GLO1: variants seen among roughly 807,000 people sequenced by gnomAD.
The protein encoded by GLO1 is lactoylglutathione lyase.
Under a neutral mutation model 26.0 loss-of-function variants are expected in GLO1, and 28 were observed. The observed-to-expected ratio is 1.08, with a 90% CI of 0.80 to 1.48. The LOEUF (loss-of-function observed/expected upper bound fraction) is 1.48, where lower values mean the gene tolerates loss of function less well. GLO1 is among the 40% of genes most tolerant of loss of function. The pLI is 0.00. For synonymous variants in GLO1, 78 were observed against 77.6 expected (o/e 1.00, Z -0.03); for missense variants, 225 against 224.8 (o/e 1.00, Z -0.01).
At chr6:38,701,634 G>A (rs55784543) in intron 1 of GLO1, among the ~76,000 whole-genome samples, 27,742 of 152,018 alleles carry the variant, frequency 0.18, 3,212 homozygotes, top group Non-Finnish European at 0.27. Context: ...TGGGCATGAC[G>A]GAATTTTTTT....
intron 1 of GLO1, among the ~76,000 whole-genome samples, chr6:38,691,925 G>A (rs559252849): frequency 1.3e-5 from 2 of 152,222 alleles, no homozygotes; most frequent in East Asian, 3.9e-4. Flanking sequence ...TCTCTATTTT[G>A]TTTCAATGTT....
At chr6:38,694,628 G>A (rs1582780907) in intron 1 of GLO1, among the ~76,000 whole-genome samples, 1 of 151,940 alleles carries the variant, frequency 6.6e-6, no homozygotes, top group East Asian at 1.9e-4. Flanking sequence ...GTAGTGAGCT[G>A]AGACGGCACC....
intron 1 of GLO1, among the ~76,000 whole-genome samples, chr6:38,695,681 C>T (rs951518294): frequency 6.6e-6 from 1 of 152,136 alleles, no homozygotes; most frequent in Non-Finnish European, 1.5e-5. Flanking sequence ...GGGTGAAAAT[C>T]TAGGCTCCCC....
At position 38,675,934 on chromosome 6, in the gene GLO1, T is replaced by C. The variant is rs2127544940; in HGVS notation, c.*1361A>G. The C allele has an allele frequency of 6.6e-6, 1 of 151,684 alleles. No homozygotes were observed. Among genetic ancestry groups the C allele is most frequent in the Non-Finnish European group, 1.5e-5 (1 of 67,882 alleles). 9.4% of individuals were successfully genotyped at this position (151,684 alleles called of 1,614,324 possible). A position where few individuals can be genotyped will look rare whatever the true frequency, so the allele number is the denominator to read the frequency against. Reference sequence around the variant, plus strand: ...ACATGATGGACAAAGGTTTACAAATTAAACATAGTCTTATTTGAAGTTTCA... The same window carrying C: ...ACATGATGGACAAAGGTTTACAAATCAAACATAGTCTTATTTGAAGTTTCA... On this transcript the variant is annotated 3_prime_UTR_variant, in exon 6 of 6. Coordinates refer to ENST00000373365, the MANE Select transcript of GLO1 (RefSeq NM_006708.3).
At chr6:38,691,951 T>C (rs1272744816) in intron 1 of GLO1, among the ~76,000 whole-genome samples, 1 of 152,222 alleles carries the variant, frequency 6.6e-6, no homozygotes, top group Non-Finnish European at 1.5e-5. Flanking sequence ...TCTCTGCCAA[T>C]ACCACAGAGT....
In GLO1 at chr6:38,700,839, G is replaced by A. The variant is rs1349238875; in HGVS notation, c.84+2132C>T. Among the ~76,000 whole-genome samples the A allele has an allele frequency of 2.7e-5, 4 of 150,020 alleles. No homozygotes were observed. In the East Asian group the frequency reaches 7.8e-4, roughly 29 times the overall value. On this transcript the variant is annotated intron_variant, in intron 1 of 5. Transcript: ENST00000373365. The stretch of plus-strand genomic sequence containing the variant: ...CTGTCACCCAAGCTGGAATGCAGTG[G>A]CATGATCTCGGCTCCCTGCAACCTC...
intron 1 of GLO1, among the ~76,000 whole-genome samples, chr6:38,702,708 G>A (rs1024149662): frequency 6.6e-6 from 1 of 152,146 alleles, no homozygotes; most frequent in South Asian, 2.1e-4. Flanking sequence ...GGGTTGGCCT[G>A]GCTTCCAGCC....
chr6:38,695,599 C>T (rs1014627011), intron 1 of GLO1, among the ~76,000 whole-genome samples: 1 of 152,046 alleles, frequency 6.6e-6, no homozygotes, highest in African/African-American at 2.4e-5. Flanking sequence ...GGATGAAAGT[C>T]CTGGCTCCCT....
rs41273110 is a variant in GLO1 at position 38,677,233 on chromosome 6, T to C, written c.*62A>G. The C allele has an allele frequency of 2.9e-3, 2,436 of 830,700 alleles. 8 individuals are homozygous for C. Among genetic ancestry groups the C allele is most frequent in the Non-Finnish European group, 4.2e-3 (1,963 of 467,752 alleles). The allele number at this position is 830,700 out of a possible 1,614,324, so 51.5% of individuals were successfully genotyped here. A position where few individuals can be genotyped will look rare whatever the true frequency, so the allele number is the denominator to read the frequency against. On this transcript the variant is annotated 3_prime_UTR_variant, in exon 6 of 6. Coordinates refer to ENST00000373365, the MANE Select transcript of GLO1 (RefSeq NM_006708.3). ...ATCAGTCCTAGATGCTTCTGGTATG[T>C]AAATATCTTGAATCACATTGTTTCC...
At chr6:38,680,010 C>T (rs1434153437) in intron 5 of GLO1, among the ~76,000 whole-genome samples, 1 of 151,914 alleles carries the variant, frequency 6.6e-6, no homozygotes, top group Non-Finnish European at 1.5e-5. Context: ...CAGGCAGTGA[C>T]AAAGAAATAA....
chr6:38,682,837 T>C lies in GLO1; in HGVS notation c.347A>G (p.His116Arg), dbSNP rs1761402335. Residue 116 changes from histidine to arginine, a missense_variant, in exon 4 of 6, where the codon CAC becomes CGC. Physicochemically the swap from His to Arg is conservative, Grantham distance 29 (BLOSUM62 0). Transcript: ENST00000373365. ...GTEDDETQSY[H>R]NGNSDPRGFG... ...TCCTCGAGGGTCTGAATTGCCATTG[T>C]GGTAACTCTGGGTCTCATCATCTTC... 1 of 1,606,010 alleles carries C rather than the reference T, an allele frequency of 6.2e-7. No individual in the cohort carries two copies. Among genetic ancestry groups the C allele is most frequent in the South Asian group, 1.1e-5 (1 of 90,932 alleles).
At chr6:38,694,694 C>T (rs1781717) in intron 1 of GLO1, among the ~76,000 whole-genome samples, 84,187 of 151,456 alleles carry the variant, frequency 0.56, 24,486 homozygotes, top group African/African-American at 0.74. Context: ...AAAAAAAGAG[C>T]AGTGTTGAGG....
At chr6:38,680,417 A>T (rs1339197792) in intron 5 of GLO1, among the ~76,000 whole-genome samples, 1 of 152,192 alleles carries the variant, frequency 6.6e-6, no homozygotes, top group Non-Finnish European at 1.5e-5. Flanking sequence ...GCTACTCGGG[A>T]GGCTGAGGCA....
At chr6:38,679,740 G>C (rs1401417257) in intron 5 of GLO1, among the ~76,000 whole-genome samples, 1 of 151,108 alleles carries the variant, frequency 6.6e-6, no homozygotes, top group Non-Finnish European at 1.5e-5. Context: ...GTTGCAGTGA[G>C]CTATGATCAC....
chr6:38,685,693 C>T (rs150162854), intron 2 of GLO1, among the ~76,000 whole-genome samples: 2 of 152,270 alleles, frequency 1.3e-5, no homozygotes, highest in African/African-American at 4.8e-5. Flanking sequence ...GAAAAACAAT[C>T]TCTGCACCTA....
In GLO1 at chr6:38,677,306, T is replaced by C; in HGVS notation, c.544A>G (p.Thr182Ala). The C allele has an allele frequency of 6.9e-7, 1 of 1,448,876 alleles. No individual in the cohort carries two copies. The highest frequency in any genetic ancestry group is 9.7e-7 in the Non-Finnish European group (1 of 1,029,206). The allele number at this position is 1,448,876 out of a possible 1,614,324, so 89.8% of individuals were successfully genotyped here. Residue 182 changes from threonine (T) to alanine (A), a missense_variant, in exon 6 of 6, where the codon ACC becomes GCC. Physicochemically the swap from Thr to Ala is moderately conservative, Grantham distance 58 (BLOSUM62 0). Transcript: ENST00000373365. ...GAATTCTCACAGCACTACATTAAGG[T>C]TGCCATTTTGTTAGGATTCAAAATT... Reference protein sequence around the residue: ...IEILNPNKMATLM With the variant: ...IEILNPNKMAALM
At chr6:38,696,230 C>T (rs977187398) in intron 1 of GLO1, among the ~76,000 whole-genome samples, 5 of 152,142 alleles carry the variant, frequency 3.3e-5, no homozygotes, top group African/African-American at 9.7e-5. Context: ...ATGATAAAAA[C>T]GTTGTTTGAC....
rs1761244247 is a variant in GLO1, at chr6:38,676,450, C to G, written c.*845G>C. On this transcript the variant is annotated 3_prime_UTR_variant, in exon 6 of 6. Coordinates refer to ENST00000373365, the MANE Select transcript of GLO1 (RefSeq NM_006708.3). The stretch of plus-strand genomic sequence containing the variant: ...GCCAAGAGCACAATGGTCAAACTCA[C>G]TGAAGGTTTTTACAACAGGAAACCA... The G allele has an allele frequency of 6.6e-6, 1 of 152,162 alleles. No homozygotes were observed. The highest frequency in any genetic ancestry group is 1.5e-5 in the Non-Finnish European group (1 of 68,026). The allele number at this position is 152,162 out of a possible 1,614,324, so 9.4% of individuals were successfully genotyped here. A position where few individuals can be genotyped will look rare whatever the true frequency, so the allele number is the denominator to read the frequency against.
chr6:38,680,115 AAGAG>A (rs1259222787), intron 5 of GLO1, among the ~76,000 whole-genome samples: 1 of 152,236 alleles, frequency 6.6e-6, no homozygotes, highest in African/African-American at 2.4e-5. Flanking sequence ...AAGAAAATAG[AAGAG>A]TATTTTCAAG....
Sources: gnomAD v4.1 joint callset for allele counts (sites outside exome capture counted in the v4.1 genomes callset) on GRCh38, gnomAD v4.1.1 for gene constraint, MANE v1.5 for transcripts, NCBI Gene and HGNC (gene_info 2026-07-23, HGNC 2026-07-21) for gene names.